Variants in ADGRA1 observed in about 807,000 individuals in gnomAD.
ADGRA1 encodes the protein adhesion G protein-coupled receptor A1.
ADGRA1 carries 12 observed loss-of-function variants against 21.3 expected under a neutral mutation model. The observed-to-expected ratio is 0.56, with a 90% CI of 0.36 to 0.91. ADGRA1 has a LOEUF of 0.91. Ranked by LOEUF, ADGRA1 falls within the 40% of genes least tolerant of loss-of-function variation. ADGRA1 has a pLI of 0.01. For synonymous variants in ADGRA1, 385 were observed against 368.8 expected (o/e 1.04, Z -0.50); for missense variants, 790 against 805.6 (o/e 0.98, Z 0.23).
rs190095587 is a variant in ADGRA1, at chr10:133,127,626, A to C, written c.500+295A>C. 2.8e-3 allele frequency among the ~76,000 whole-genome samples: 429 copies of C among 152,230 alleles called. 2 individuals are homozygous for C. The highest frequency in any genetic ancestry group is 8.1e-3 in the African/African-American group (336 of 41,514). ...GCGATTTGGCAACAGCACAGAGCTC[A>C]GCTGAGAAGGGAAACCCCATCGAGT... is the stretch of plus-strand genomic sequence containing the variant. On this transcript the variant is annotated intron_variant, in intron 6 of 6. Coordinates refer to ENST00000392607, the MANE Select transcript of ADGRA1 (RefSeq NM_001083909.3).
chr10:133,127,242 C>G lies in ADGRA1; in HGVS notation c.411C>G (p.Leu137=). ...YPRQPLLRFY[L]VSGGVPFIIC... ...CCTTCCTCCCCGGCAGGTTTTACCTCGTCAGCGGAGGGGTCCCCTTTATCA... is the reference window on the plus strand; with the variant it reads ...CCTTCCTCCCCGGCAGGTTTTACCTGGTCAGCGGAGGGGTCCCCTTTATCA... Residue 137 remains leucine (L), a synonymous_variant, in exon 6 of 7, where the codon CTC becomes CTG. Coordinates refer to ENST00000392607, the MANE Select transcript of ADGRA1 (RefSeq NM_001083909.3). The G allele has an allele frequency of 6.3e-7, 1 of 1,583,712 alleles. No homozygotes were observed. Among genetic ancestry groups the G allele is most frequent in the Non-Finnish European group, 8.6e-7 (1 of 1,168,046 alleles).
chr10:133,111,870 T>C (rs61862110), intron 5 of ADGRA1, among the ~76,000 whole-genome samples: 44 of 19,748 alleles, frequency 2.2e-3, no homozygotes, highest in Admixed American at 2.7e-3. Context: ...TCCTAATCCC[T>C]CCAGACCACC....
At chr10:133,115,333 A>G (rs1308408867) in intron 5 of ADGRA1, among the ~76,000 whole-genome samples, 1 of 152,310 alleles carries the variant, frequency 6.6e-6, no homozygotes, top group East Asian at 1.9e-4. Context: ...CCCAGCGGTC[A>G]GCAGCAGGCA....
chr10:133,093,463 CCACG>C, intron 2 of ADGRA1, among the ~76,000 whole-genome samples: 1 of 152,280 alleles, frequency 6.6e-6, no homozygotes, highest in South Asian at 2.1e-4. Context: ...AGCACGAGTC[CCACG>C]CACGCCGGGC....
chr10:133,122,677 C>T (rs918735127), intron 5 of ADGRA1, among the ~76,000 whole-genome samples: 2 of 152,258 alleles, frequency 1.3e-5, no homozygotes, highest in African/African-American at 4.8e-5. Flanking sequence ...CACACCAGCA[C>T]AGCCAGGAAA....
intron 2 of ADGRA1, among the ~76,000 whole-genome samples, chr10:133,089,496 T>G (rs1459880067): frequency 6.6e-6 from 1 of 152,204 alleles, no homozygotes; most frequent in African/African-American, 2.4e-5. Context: ...GGTCCCTCCC[T>G]GAGGCACCAG....
chr10:133,089,383 G>C (rs1210343313), intron 2 of ADGRA1, among the ~76,000 whole-genome samples: 1 of 152,206 alleles, frequency 6.6e-6, no homozygotes, highest in Non-Finnish European at 1.5e-5. Context: ...AGGCTGTGGC[G>C]GAGAGAAGGC....
chr10:133,119,193 G>A (rs910799455), intron 5 of ADGRA1, among the ~76,000 whole-genome samples: 4 of 152,110 alleles, frequency 2.6e-5, no homozygotes, highest in African/African-American at 7.2e-5. Flanking sequence ...CGAGACGGGC[G>A]TGGCAGAGGA....
intron 5 of ADGRA1, among the ~76,000 whole-genome samples, chr10:133,119,916 A>G (rs1852224992): frequency 6.6e-6 from 1 of 152,232 alleles, no homozygotes. Context: ...ATTGAGCATC[A>G]TTCTTAAAGG....
intron 5 of ADGRA1, among the ~76,000 whole-genome samples, chr10:133,109,149 A>G (rs4370854): frequency 0.64 from 95,733 of 150,532 alleles, 31,096 homozygotes; most frequent in African/African-American, 0.78. Context: ...GCTCAGCAGC[A>G]GCACTGCTCT....
intron 2 of ADGRA1, chr10:133,095,518 C>A: frequency 9.2e-7 from 1 of 1,084,316 alleles, no homozygotes; most frequent in Non-Finnish European, 1.3e-6. Context: ...GTGCCTTCGC[C>A]CTCGCACAGG....
chr10:133,092,193 G>A (rs745628717), intron 2 of ADGRA1, among the ~76,000 whole-genome samples: 16 of 152,234 alleles, frequency 1.1e-4, no homozygotes, highest in African/African-American at 2.9e-4. Context: ...GGTCGGTCGC[G>A]CGTACGAACA....
rs576708757 is a variant in ADGRA1, at chr10:133,089,700, G to A, written c.3+788G>A. 2.0e-5 allele frequency among the ~76,000 whole-genome samples: 3 copies of A among 152,352 alleles called. No individual in the cohort carries two copies. The South Asian group carries it at 6.2e-4, about 32-fold the overall frequency. ...TGGCGTGCTTCGGAGCAGACCCAGT[G>A]TTCGCTGCATAAGGAGCCATCGGTC... is the stretch of plus-strand genomic sequence containing the variant. On this transcript the variant is annotated intron_variant, in intron 2 of 6. Coordinates refer to ENST00000392607, the MANE Select transcript of ADGRA1 (RefSeq NM_001083909.3).
chr10:133,115,099 G>A (rs755824319), intron 5 of ADGRA1, among the ~76,000 whole-genome samples: 3 of 152,176 alleles, frequency 2.0e-5, no homozygotes, highest in East Asian at 3.9e-4. Flanking sequence ...GGGCTTCATC[G>A]AGAGGGTCCC....
At chr10:133,118,903 C>T (rs553054730) in intron 5 of ADGRA1, among the ~76,000 whole-genome samples, 6 of 146,564 alleles carry the variant, frequency 4.1e-5, no homozygotes, top group East Asian at 5.3e-4. Flanking sequence ...CACTCACACA[C>T]GTACACTCAC....
At chr10:133,100,038 T>A (rs1028947015) in intron 4 of ADGRA1, among the ~76,000 whole-genome samples, 1 of 152,132 alleles carries the variant, frequency 6.6e-6, no homozygotes, top group Non-Finnish European at 1.5e-5. Flanking sequence ...GCACTACACT[T>A]CCGTGTGCCA....
At chr10:133,116,240 C>T (rs1852156215) in intron 5 of ADGRA1, among the ~76,000 whole-genome samples, 1 of 152,198 alleles carries the variant, frequency 6.6e-6, no homozygotes, top group African/African-American at 2.4e-5. Flanking sequence ...TGAAAATGCT[C>T]CTGGGAACCG....
At chr10:133,101,422 C>T (rs1037711521) in intron 4 of ADGRA1, among the ~76,000 whole-genome samples, 3 of 152,218 alleles carry the variant, frequency 2.0e-5, no homozygotes, top group African/African-American at 7.2e-5. Flanking sequence ...GGTGGGGCAG[C>T]CGTGCAGCAC....
In ADGRA1 at chr10:133,128,376, C is replaced by A. The variant is rs1435577246; in HGVS notation, c.548C>A (p.Ala183Asp). 1.6e-5 allele frequency: 26 copies of A among 1,584,820 alleles called. No individual in the cohort carries two copies. Among genetic ancestry groups the A allele is most frequent in the Non-Finnish European group, 2.6e-6 (3 of 1,167,416 alleles). The change falls in exon 7 of 7, where the codon GCC becomes GAC. Residue 183 changes from alanine (A) to aspartate (D), a missense_variant. By Grantham distance (126) the Ala-to-Asp change is moderately radical. Around this residue, in one of 3 missense-constraint regions of ADGRA1, gnomAD observed 382 missense variants for 415.6 expected, o/e 0.92. Coordinates refer to ENST00000392607, the MANE Select transcript of ADGRA1 (RefSeq NM_001083909.3). ...AGCCTGGGCGCCTTCTACGGCCCAG[C>A]CGCCATCATCACCCTGGTCACCTGT... is the stretch of plus-strand genomic sequence containing the variant. Reference protein sequence around the residue: ...EPSLGAFYGPAAIITLVTCVY... With the variant: ...EPSLGAFYGPDAIITLVTCVY...
Sources: allele counts gnomAD v4.1 joint callset (sites outside exome capture counted in the v4.1 genomes callset), GRCh38; gene constraint gnomAD v4.1.1; regional missense constraint gnomAD v4.1.1; transcripts MANE v1.5; gene names NCBI Gene and HGNC (gene_info 2026-07-23, HGNC 2026-07-21).